The following LY96 variants were observed in gnomAD, a reference collection of about 807,000 sequenced individuals.
LY96 encodes the protein lymphocyte antigen 96, also known as myeloid differentiation protein-2.
LY96 carries 18 observed loss-of-function variants against 18.9 expected under a neutral mutation model. The ratio of observed to expected loss-of-function variants is 0.95; its 90% confidence interval spans 0.66 to 1.41. The LOEUF is 1.41. LY96 is among the 40% of genes most tolerant of loss of function. The probability of loss-of-function intolerance (pLI) is 0.00; values close to 1 mark genes in which losing one functional copy is unlikely to be tolerated. For synonymous variants in LY96, 66 were observed against 62.6 expected (o/e 1.06, Z -0.26); for missense variants, 175 against 182.4 (o/e 0.96, Z 0.23).
At chr8:74,090,460 T>G in the LY96 span, among the ~76,000 whole-genome samples, 1 of 152,302 alleles carries the variant, frequency 6.6e-6, no homozygotes, top group East Asian at 1.9e-4. Flanking sequence ...GAAATAACAT[T>G]AAAAGAATGG....
chr8:74,002,282 A>G (rs1816313254), intron 1 of LY96, among the ~76,000 whole-genome samples: 2 of 151,380 alleles, frequency 1.3e-5, no homozygotes, highest in Admixed American at 6.6e-5. Flanking sequence ...GATTATAGCC[A>G]TTATTTCTTT....
At chr8:73,999,571 T>G (rs1816221634) in intron 1 of LY96, among the ~76,000 whole-genome samples, 1 of 152,238 alleles carries the variant, frequency 6.6e-6, no homozygotes, top group Admixed American at 6.5e-5. Context: ...GAAAGCTTGT[T>G]GACAGTATTT....
intron 1 of LY96, among the ~76,000 whole-genome samples, chr8:74,002,192 AGT>A (rs1816311722): frequency 2.0e-5 from 3 of 146,398 alleles, no homozygotes; most frequent in African/African-American, 7.7e-5. Flanking sequence ...GCTGGAGTGC[AGT>A]GGCGTGATCT....
At chr8:74,070,702 C>T in the LY96 span, among the ~76,000 whole-genome samples, 6 of 152,120 alleles carry the variant, frequency 3.9e-5, no homozygotes, top group African/African-American at 1.4e-4. Context: ...ACCATCCTGC[C>T]TCTGGAATCA....
At chr8:74,037,355 G>C in the LY96 span, among the ~76,000 whole-genome samples, 1 of 152,156 alleles carries the variant, frequency 6.6e-6, no homozygotes, top group Non-Finnish European at 1.5e-5. Context: ...AGAGCCTGGC[G>C]TGGTGGGTCA....
chr8:74,036,793 T>C, the LY96 span, among the ~76,000 whole-genome samples: 1 of 152,208 alleles, frequency 6.6e-6, no homozygotes, highest in African/African-American at 2.4e-5. Flanking sequence ...GGCAATTGAT[T>C]ACACATTAAG....
chr8:74,003,111 T>C (rs868031947), intron 1 of LY96, among the ~76,000 whole-genome samples: 24 of 152,072 alleles, frequency 1.6e-4, no homozygotes, highest in Middle Eastern at 3.4e-3. Context: ...TCTCTCTGTT[T>C]GGCATCTACA....
At chr8:74,054,355 C>G in the LY96 span, among the ~76,000 whole-genome samples, 2 of 152,068 alleles carry the variant, frequency 1.3e-5, no homozygotes, top group Non-Finnish European at 1.5e-5. Flanking sequence ...ATTACCCAGT[C>G]AGTAGTGCTC....
At chr8:74,086,375 G>C in the LY96 span, among the ~76,000 whole-genome samples, 1 of 152,202 alleles carries the variant, frequency 6.6e-6, no homozygotes, top group Non-Finnish European at 1.5e-5. Context: ...GGAAGCCTTT[G>C]CTGAATGAAT....
the LY96 span, among the ~76,000 whole-genome samples, chr8:74,085,341 C>A: frequency 6.6e-6 from 1 of 152,178 alleles, no homozygotes; most frequent in African/African-American, 2.4e-5. Flanking sequence ...GAATCACATC[C>A]TTTTCTGCCT....
chr8:74,066,140 A>AG, the LY96 span, among the ~76,000 whole-genome samples: 1 of 152,134 alleles, frequency 6.6e-6, no homozygotes, highest in Admixed American at 6.6e-5. Flanking sequence ...CCAATGCACC[A>AG]GCAGATTCAG....
chr8:74,058,523 C>CTT, the LY96 span, among the ~76,000 whole-genome samples: 903 of 139,604 alleles, frequency 6.5e-3, 2 homozygotes, highest in Non-Finnish European at 0.011. Flanking sequence ...GAAAGTTTTT[C>CTT]TTTTTTTTTT....
At chr8:74,017,270 A>G (rs1042474047) in intron 3 of LY96, among the ~76,000 whole-genome samples, 1 of 152,232 alleles carries the variant, frequency 6.6e-6, no homozygotes, top group Non-Finnish European at 1.5e-5. Context: ...AAGCTTCAGT[A>G]GCCAATTCGA....
At chr8:74,058,783 G>C in the LY96 span, among the ~76,000 whole-genome samples, 1 of 152,134 alleles carries the variant, frequency 6.6e-6, no homozygotes, top group East Asian at 1.9e-4. Context: ...GCTTCCCAAA[G>C]TCCTGGGATT....
At chr8:74,092,895 T>C in the LY96 span, among the ~76,000 whole-genome samples, 1 of 152,228 alleles carries the variant, frequency 6.6e-6, no homozygotes, top group Admixed American at 6.5e-5. Context: ...TTTCTCTCCC[T>C]GTTTCAATCC....
chr8:74,082,595 G>A, the LY96 span, among the ~76,000 whole-genome samples: 3 of 152,236 alleles, frequency 2.0e-5, no homozygotes, highest in South Asian at 6.2e-4. Flanking sequence ...ACCCATCGTA[G>A]GTTCATAGCT....
chr8:74,046,634 A>G, the LY96 span, among the ~76,000 whole-genome samples: 1 of 152,206 alleles, frequency 6.6e-6, no homozygotes, highest in African/African-American at 2.4e-5. Context: ...ATAAGCAGAA[A>G]GCCATCCTGA....
chr8:74,078,067 G>C, the LY96 span, among the ~76,000 whole-genome samples: 1 of 150,166 alleles, frequency 6.7e-6, no homozygotes, highest in African/African-American at 2.5e-5. Flanking sequence ...GGGATTGTGC[G>C]ACTGCACTCC....
the LY96 span, among the ~76,000 whole-genome samples, chr8:74,081,074 T>TC: frequency 2.6e-4 from 34 of 130,762 alleles, no homozygotes; most frequent in Admixed American, 6.1e-4. Context: ...CTTACTTTCT[T>TC]TCTTCTCTTT....
Sources: gnomAD v4.1 joint callset for allele counts (sites outside exome capture counted in the v4.1 genomes callset) on GRCh38, gnomAD v4.1.1 for gene constraint, MANE v1.5 for transcripts, NCBI Gene and HGNC (gene_info 2026-07-23, HGNC 2026-07-21) for gene names.